Variants in PCDH15 observed in about 807,000 individuals in gnomAD.
The protein encoded by PCDH15 is protocadherin-15.
In PCDH15, 129 loss-of-function variants were observed where a neutral mutation model predicts 178.5. The ratio of observed to expected loss-of-function variants is 0.72; its 90% CI spans 0.63 to 0.84. The LOEUF (loss-of-function observed/expected upper bound fraction) is 0.84. PCDH15 is among the 40% of genes least tolerant of loss of function. The pLI is 0.00. For missense variants in PCDH15, 2,230 were observed against 2,099.9 expected (o/e 1.06, Z -1.21); for synonymous variants, 800 against 732.0 (o/e 1.09, Z -1.50).
intron 26 of PCDH15, among the ~76,000 whole-genome samples, chr10:53,878,503 T>C (rs2080446866): frequency 1.5e-5 from 2 of 137,614 alleles, no homozygotes; most frequent in African/African-American, 6.2e-5. Flanking sequence ...TAATATATTA[T>C]ATATATACGT....
intron 3 of PCDH15, among the ~76,000 whole-genome samples, chr10:54,427,779 C>A (rs1956474028): frequency 6.6e-6 from 1 of 152,074 alleles, no homozygotes. Context: ...ACATTTATAT[C>A]AATTTTTTTG....
intron 35 of PCDH15, among the ~76,000 whole-genome samples, chr10:53,815,889 T>C (rs1277712773): frequency 1.3e-5 from 2 of 152,186 alleles, no homozygotes; most frequent in African/African-American, 4.8e-5. Flanking sequence ...TTGCATAATC[T>C]AAATCTGATG....
chr10:54,799,391 A>G (rs1249114136), intron 1 of PCDH15, among the ~76,000 whole-genome samples: 1 of 152,124 alleles, frequency 6.6e-6, no homozygotes, highest in Non-Finnish European at 1.5e-5. Flanking sequence ...GTTTTTTAAA[A>G]CTATAGTTCA....
intron 15 of PCDH15, among the ~76,000 whole-genome samples, chr10:54,123,227 A>G (rs1159590566): frequency 1.3e-5 from 2 of 152,182 alleles, no homozygotes; most frequent in African/African-American, 4.8e-5. Flanking sequence ...GACAGAGTGA[A>G]CAGATAACCT....
At chr10:55,041,870 G>A (rs1404797400) in intron 2 of PCDH15, among the ~76,000 whole-genome samples, 1 of 151,992 alleles carries the variant, frequency 6.6e-6, no homozygotes, top group East Asian at 1.9e-4. Context: ...AGCAGATAGT[G>A]AGCACTCATT....
intron 1 of PCDH15, among the ~76,000 whole-genome samples, chr10:55,206,705 C>G (rs1210336289): frequency 6.6e-6 from 1 of 152,074 alleles, no homozygotes; most frequent in African/African-American, 2.4e-5. Context: ...TTGGTAATAT[C>G]TACATTTAAA....
At chr10:53,912,303 AAG>A (rs2083163424) in intron 25 of PCDH15, among the ~76,000 whole-genome samples, 1 of 152,210 alleles carries the variant, frequency 6.6e-6, no homozygotes, top group African/African-American at 2.4e-5. Context: ...TTCTCAAAAT[AAG>A]AGGTATTTCT....
chr10:54,724,594 T>C (rs1483229189), intron 1 of PCDH15, among the ~76,000 whole-genome samples: 1 of 151,502 alleles, frequency 6.6e-6, no homozygotes, highest in Admixed American at 6.6e-5. Context: ...CACTGAAAAG[T>C]TATATGTTAA....
At chr10:54,781,678 T>A (rs1027605414) in intron 1 of PCDH15, among the ~76,000 whole-genome samples, 2 of 152,192 alleles carry the variant, frequency 1.3e-5, no homozygotes, top group Non-Finnish European at 2.9e-5. Context: ...TTTCTAAATA[T>A]CTGAACTGTA....
upstream of PCDH15, among the ~76,000 whole-genome samples, chr10:54,805,505 G>T (rs1239160769): frequency 1.3e-5 from 2 of 152,172 alleles, no homozygotes; most frequent in African/African-American, 4.8e-5. Context: ...TCTTTGTCAT[G>T]ATTTCATGTT....
chr10:54,399,754 G>C (rs73251630), intron 3 of PCDH15, among the ~76,000 whole-genome samples: 3,995 of 152,100 alleles, frequency 0.026, 168 homozygotes, highest in African/African-American at 0.089. Flanking sequence ...AAGACGCTGG[G>C]CTGTGCAGCC....
At chr10:54,090,955 G>T in intron 15 of PCDH15, among the ~76,000 whole-genome samples, 1 of 152,116 alleles carries the variant, frequency 6.6e-6, no homozygotes, top group East Asian at 1.9e-4. Flanking sequence ...CTGGTACATT[G>T]TAAGCTTTCA....
intron 2 of PCDH15, among the ~76,000 whole-genome samples, chr10:55,097,260 G>T (rs1160270018): frequency 1.3e-5 from 2 of 152,044 alleles, no homozygotes. Context: ...AACATTACAT[G>T]CAACTTAATT....
At chr10:54,824,097 T>G (rs1953088751) in intron 3 of PCDH15, among the ~76,000 whole-genome samples, 1 of 152,104 alleles carries the variant, frequency 6.6e-6, no homozygotes, top group Non-Finnish European at 1.5e-5. Context: ...TGAATGCCAG[T>G]GGAAGAGTTT....
chr10:54,220,023 T>A (rs1350929099), intron 9 of PCDH15, among the ~76,000 whole-genome samples: 3 of 152,188 alleles, frequency 2.0e-5, no homozygotes, highest in Non-Finnish European at 4.4e-5. Flanking sequence ...ATTTTATATA[T>A]TTTTAAATAA....
intron 33 of PCDH15, among the ~76,000 whole-genome samples, chr10:53,818,988 A>G (rs1247118451): frequency 2.6e-5 from 4 of 151,650 alleles, no homozygotes; most frequent in Admixed American, 2.6e-4. Context: ...TGTAAAAAAA[A>G]GTAAATACAA....
At chr10:54,559,643 T>C (rs2087791996) in intron 2 of PCDH15, among the ~76,000 whole-genome samples, 2 of 151,862 alleles carry the variant, frequency 1.3e-5, no homozygotes, top group Admixed American at 6.6e-5. Flanking sequence ...TAAAAAAATG[T>C]TGGTTTGTTC....
At chr10:54,739,851 C>T (rs1944566424) in intron 1 of PCDH15, among the ~76,000 whole-genome samples, 1 of 152,018 alleles carries the variant, frequency 6.6e-6, no homozygotes, top group Non-Finnish European at 1.5e-5. Context: ...TGAAAATAGA[C>T]TCTTACCTCT....
intron 13 of PCDH15, 116 bp downstream of exon 13, chr10:54,183,328 A>T: frequency 1.9e-6 from 2 of 1,038,576 alleles, no homozygotes; most frequent in Non-Finnish European, 3.0e-6. Flanking sequence ...TAATTATGCT[A>T]TACAATAAGT....
Sources: allele counts gnomAD v4.1 joint callset (sites outside exome capture counted in the v4.1 genomes callset), GRCh38; gene constraint gnomAD v4.1.1; transcripts MANE v1.5; gene names NCBI Gene and HGNC (gene_info 2026-07-23, HGNC 2026-07-21).